The following CCDC171 variants were observed in gnomAD, a reference collection of about 807,000 sequenced individuals.
CCDC171 encodes coiled-coil domain containing 171.
Under a neutral mutation model 168.2 loss-of-function variants are expected in CCDC171, and 177 were observed. The observed-to-expected ratio is 1.05, with a 90% CI of 0.93 to 1.19. The LOEUF (loss-of-function observed/expected upper bound fraction) is 1.19. Ranked by LOEUF, CCDC171 falls within the 50% of genes most tolerant of loss-of-function variation. The pLI is 0.00. For missense variants in CCDC171, 1,991 were observed against 1,539.0 expected, an observed-to-expected ratio of 1.29 and a Z score of -4.91; for synonymous variants, 687 against 540.8, an observed-to-expected ratio of 1.27 and a Z score of -3.75.
At chr9:15,900,508 AGACACCCGAGCAGAG>A (rs34003199) in intron 24 of CCDC171, among the ~76,000 whole-genome samples, 83,667 of 137,890 alleles carry the variant, frequency 0.61, 23,244 homozygotes, top group East Asian at 0.83. Flanking sequence ...CAGCCTGCTG[AGACACCCGAGCAGAG>A]GACCCCACTA....
chr9:15,765,900 G>A (rs547212435), intron 18 of CCDC171, among the ~76,000 whole-genome samples: 4 of 152,176 alleles, frequency 2.6e-5, no homozygotes, highest in Non-Finnish European at 4.4e-5. Flanking sequence ...AGGCACTGAC[G>A]GCTTTCTTAT....
At chr9:15,667,293 A>G (rs116946983) in intron 9 of CCDC171, among the ~76,000 whole-genome samples, 3,127 of 152,248 alleles carry the variant, frequency 0.021, 53 homozygotes, top group Non-Finnish European at 0.032. Flanking sequence ...CTTAGTTTCT[A>G]TTTATGGCAA....
chr9:16,029,565 G>A (rs911749711), intron 6 of CCDC171, among the ~76,000 whole-genome samples: 2 of 152,220 alleles, frequency 1.3e-5, no homozygotes, highest in African/African-American at 4.8e-5. Context: ...GTATTTGTTA[G>A]GCCTGCCTAT....
chr9:15,801,714 C>G (rs1258566680), intron 21 of CCDC171, among the ~76,000 whole-genome samples: 3 of 151,980 alleles, frequency 2.0e-5, no homozygotes, highest in African/African-American at 7.2e-5. Context: ...GAAAGGGTTT[C>G]ATTTTCTTTC....
intron 3 of CCDC171, among the ~76,000 whole-genome samples, chr9:15,997,165 C>T (rs1387176313): frequency 6.6e-6 from 1 of 152,204 alleles, no homozygotes; most frequent in Non-Finnish European, 1.5e-5. Context: ...AGTCTTCCTT[C>T]CTGTCCATTC....
At chr9:15,695,611 C>A (rs2051153573) in intron 11 of CCDC171, among the ~76,000 whole-genome samples, 1 of 152,032 alleles carries the variant, frequency 6.6e-6, no homozygotes, top group Non-Finnish European at 1.5e-5. Flanking sequence ...GTTCTGAATC[C>A]AACTGAGAAA....
At chr9:15,661,689 G>T (rs2048333554) in intron 8 of CCDC171, among the ~76,000 whole-genome samples, 1 of 152,112 alleles carries the variant, frequency 6.6e-6, no homozygotes, top group East Asian at 1.9e-4. Flanking sequence ...GTTATTGTTT[G>T]TATATTTTGG....
intron 3 of CCDC171, among the ~76,000 whole-genome samples, chr9:16,002,488 C>G (rs1832581227): frequency 6.6e-6 from 1 of 152,066 alleles, no homozygotes; most frequent in African/African-American, 2.4e-5. Flanking sequence ...TTTTGTACAA[C>G]TGTACGTTGT....
chr9:15,639,782 T>C (rs903017601), intron 7 of CCDC171, among the ~76,000 whole-genome samples: 1 of 152,204 alleles, frequency 6.6e-6, no homozygotes, highest in African/African-American at 2.4e-5. Flanking sequence ...TGCTATGCTT[T>C]ATATGAGCCT....
chr9:15,753,073 C>T (rs753376115), intron 18 of CCDC171, among the ~76,000 whole-genome samples: 17 of 151,952 alleles, frequency 1.1e-4, no homozygotes, highest in Non-Finnish European at 1.5e-4. Flanking sequence ...ATTGGTCTGA[C>T]GCTAATACGC....
chr9:15,863,913 G>A (rs549057727), intron 23 of CCDC171, among the ~76,000 whole-genome samples: 2 of 152,028 alleles, frequency 1.3e-5, no homozygotes, highest in African/African-American at 4.8e-5. Flanking sequence ...TGTATTTAGT[G>A]ACAGATTGTG....
intron 6 of CCDC171, among the ~76,000 whole-genome samples, chr9:16,029,327 C>T (rs1182522221): frequency 2.7e-5 from 4 of 148,918 alleles, no homozygotes; most frequent in Non-Finnish European, 6.0e-5. Context: ...ATGATTCAGA[C>T]ATCTGTGATC....
At chr9:15,673,402 G>T (rs2049273792) in intron 9 of CCDC171, among the ~76,000 whole-genome samples, 1 of 152,190 alleles carries the variant, frequency 6.6e-6, no homozygotes. Flanking sequence ...AATTAAGTGA[G>T]AGAGGGTCTC....
intron 25 of CCDC171, among the ~76,000 whole-genome samples, chr9:15,948,129 T>A (rs1828655109): frequency 6.6e-6 from 1 of 151,664 alleles, no homozygotes. Flanking sequence ...TCTAATTTCA[T>A]CCATGTCCCT....
chr9:15,874,536 G>A lies in CCDC171; in HGVS notation c.3473G>A (p.Arg1158Lys). 1 of 1,597,300 alleles carries A rather than the reference G, an allele frequency of 6.3e-7. No homozygotes were observed. The highest frequency in any genetic ancestry group is 8.5e-7 in the Non-Finnish European group (1 of 1,172,628). ...RAVENTLHKV[R>K]DQISLSWSAA... ...ATGCTGTTTTTTTCCCTTTAGGTCAGAGATCAGATCTCGCTGTCATGGTCT... is the reference window on the plus strand; with the variant it reads ...ATGCTGTTTTTTTCCCTTTAGGTCAAAGATCAGATCTCGCTGTCATGGTCT... Residue 1158 changes from arginine (R) to lysine (K), a missense_variant, in exon 24 of 26, where the codon AGA (arginine) becomes AAA (lysine). Coordinates refer to ENST00000380701, the MANE Select transcript of CCDC171 (RefSeq NM_173550.4).
downstream of CCDC171, among the ~76,000 whole-genome samples, chr9:16,062,999 C>T (rs1035110724): frequency 6.6e-6 from 1 of 152,106 alleles, no homozygotes; most frequent in Non-Finnish European, 1.5e-5. Context: ...AGAAAGTATG[C>T]TCCTTGGAGT....
chr9:15,777,692 TG>T lies in CCDC171; in HGVS notation c.2765del (p.Cys922LeufsTer13). 6.2e-7 allele frequency: 1 copy of T among 1,614,016 alleles called. No individual in the cohort carries two copies. The highest frequency in any genetic ancestry group is 8.5e-7 in the Non-Finnish European group (1 of 1,179,902). ...GGATAAAATTAGTCTGGTAATGGAATGTATACCTCTGCACAGTAGCAGGAGT... is the reference window on the plus strand; with the variant it reads ...GGATAAAATTAGTCTGGTAATGGAATTATACCTCTGCACAGTAGCAGGAGT... ...LMDKISLVME[C>X]IPLHSSRSIT... On this transcript the variant is annotated frameshift_variant, in exon 19 of 26. Transcript: ENST00000380701. LOFTEE classifies it high-confidence loss of function.
intron 11 of CCDC171, among the ~76,000 whole-genome samples, chr9:15,721,208 G>A (rs920652119): frequency 1.3e-5 from 2 of 152,056 alleles, no homozygotes; most frequent in African/African-American, 4.8e-5. Context: ...ATTTCAAATT[G>A]TAACTTGAGA....
chr9:15,782,796 G>A (rs957255745), intron 20 of CCDC171, among the ~76,000 whole-genome samples: 1 of 152,176 alleles, frequency 6.6e-6, no homozygotes, highest in Non-Finnish European at 1.5e-5. Flanking sequence ...GGTTGTAATA[G>A]CACAATGTGG....
Sources: gnomAD v4.1 joint callset for allele counts (sites outside exome capture counted in the v4.1 genomes callset) on GRCh38, gnomAD v4.1.1 for gene constraint, MANE v1.5 for transcripts, NCBI Gene and HGNC (gene_info 2026-07-23, HGNC 2026-07-21) for gene names.